TRHDE: variants seen among roughly 807,000 people sequenced by gnomAD.
TRHDE encodes the protein thyrotropin releasing hormone degrading enzyme, also known as thyrotropin-releasing hormone-degrading ectoenzyme.
TRHDE carries 72 observed loss-of-function variants against 125.7 expected under a neutral mutation model. That is an observed-to-expected ratio of 0.57 (90% CI 0.47 to 0.70). TRHDE has a LOEUF of 0.70. Among genes scored for constraint, TRHDE ranks in the 30% least tolerant of loss-of-function variants. The pLI is 0.00. For synonymous variants in TRHDE, 509 were observed against 509.1 expected (o/e 1.00, Z 0.00); for missense variants, 1,110 against 1,327.1 (o/e 0.84, Z 2.54).
intron 6 of TRHDE, among the ~76,000 whole-genome samples, chr12:72,530,708 C>T (rs577091271): frequency 1.3e-5 from 2 of 151,852 alleles, no homozygotes; most frequent in South Asian, 2.1e-4. Context: ...CTTGCTTCTT[C>T]ATTTGATTCC....
intron 2 of TRHDE, among the ~76,000 whole-genome samples, chr12:72,321,881 A>G (rs1291714479): frequency 6.6e-6 from 1 of 151,970 alleles, no homozygotes; most frequent in Non-Finnish European, 1.5e-5. Flanking sequence ...ATACATACAC[A>G]CACACACACA....
intron 2 of TRHDE, among the ~76,000 whole-genome samples, chr12:72,121,288 G>A (rs948578706): frequency 6.6e-6 from 1 of 152,126 alleles, no homozygotes; most frequent in Non-Finnish European, 1.5e-5. Flanking sequence ...ACCAAGACTT[G>A]TACAGGAATT....
At chr12:72,332,414 T>C (rs1283266729) in intron 2 of TRHDE, among the ~76,000 whole-genome samples, 1 of 152,134 alleles carries the variant, frequency 6.6e-6, no homozygotes, top group South Asian at 2.1e-4. Flanking sequence ...GCTGGGATTA[T>C]AGGCATGAGC....
intron 5 of TRHDE, among the ~76,000 whole-genome samples, chr12:72,477,936 T>C (rs185759627): frequency 2.6e-5 from 4 of 152,260 alleles, no homozygotes; most frequent in Admixed American, 1.3e-4. Flanking sequence ...TCATTAAACA[T>C]GAGTGTATGT....
intron 15 of TRHDE, among the ~76,000 whole-genome samples, chr12:72,622,788 G>T (rs887458892): frequency 6.6e-6 from 1 of 151,940 alleles, no homozygotes; most frequent in Non-Finnish European, 1.5e-5. Flanking sequence ...CTGTTCGAAA[G>T]GTCTCTGTAG....
chr12:72,636,489 C>T (rs1429164764), intron 15 of TRHDE, among the ~76,000 whole-genome samples: 9 of 150,834 alleles, frequency 6.0e-5, no homozygotes, highest in Admixed American at 1.3e-4. Context: ...ATTGAATACC[C>T]TTTATTTCCT....
At chr12:72,530,668 TG>T (rs775379233) in intron 6 of TRHDE, among the ~76,000 whole-genome samples, 5 of 151,800 alleles carry the variant, frequency 3.3e-5, no homozygotes, top group Non-Finnish European at 7.4e-5. Context: ...TCTCTCTGCC[TG>T]GAATGTTCTT....
At chr12:72,396,999 T>C (rs1872819822) in intron 3 of TRHDE, among the ~76,000 whole-genome samples, 2 of 152,234 alleles carry the variant, frequency 1.3e-5, no homozygotes, top group African/African-American at 4.8e-5. Flanking sequence ...GATGCATTTA[T>C]ATCTTCACGT....
chr12:72,097,220 T>A (rs1281009893), intron 1 of TRHDE, among the ~76,000 whole-genome samples: 5 of 152,074 alleles, frequency 3.3e-5, no homozygotes, highest in Admixed American at 3.3e-4. Context: ...GGCAGGTGGG[T>A]AAGAGGCAGT....
Position 72,148,743 on chromosome 12 carries a change from G to A in TRHDE, n.279+42991G>A, listed in dbSNP as rs143106347. Among the ~76,000 whole-genome samples, 17 of 152,242 alleles carry A rather than the reference G, an allele frequency of 1.1e-4. No individual in the cohort carries two copies. The East Asian group carries it at 1.5e-3, about 14-fold the overall frequency. ...TCTCAGTTCTTGGTCTTCCAAGCAC[G>A]TTTCAATCTCCTATGAATTCATCCT... On this transcript the variant is annotated intron_variant and non_coding_transcript_variant, in intron 2 of 4. Transcript: ENST00000548156.
intron 2 of TRHDE, among the ~76,000 whole-genome samples, chr12:72,178,304 A>T (rs577310888): frequency 1.5e-3 from 229 of 152,222 alleles, no homozygotes; most frequent in Non-Finnish European, 2.6e-3. Context: ...ATAAATTGCA[A>T]TATTTATGAA....
At chr12:72,150,016 C>T (rs528060076) in intron 2 of TRHDE, among the ~76,000 whole-genome samples, 1 of 152,148 alleles carries the variant, frequency 6.6e-6, no homozygotes, top group East Asian at 1.9e-4. Context: ...CTAATTAATG[C>T]AATAAATTTT....
At chr12:72,599,868 GTT>G (rs963814402) in intron 12 of TRHDE, among the ~76,000 whole-genome samples, 17 of 151,978 alleles carry the variant, frequency 1.1e-4, no homozygotes, top group African/African-American at 4.1e-4. Context: ...GGTTCTTAGA[GTT>G]TGAGTTCTTA....
intron 5 of TRHDE, among the ~76,000 whole-genome samples, chr12:72,483,518 G>A (rs924543368): frequency 4.0e-5 from 6 of 151,778 alleles, no homozygotes; most frequent in Non-Finnish European, 7.4e-5. Context: ...ATTACCTGCA[G>A]GGTAATCATA....
intron 2 of TRHDE, among the ~76,000 whole-genome samples, chr12:72,302,193 C>T (rs370346463): frequency 9.2e-5 from 14 of 151,696 alleles, no homozygotes; most frequent in Middle Eastern, 3.4e-3. Flanking sequence ...GAAGAGATAA[C>T]GATTAAATCA....
intron 6 of TRHDE, among the ~76,000 whole-genome samples, chr12:72,531,936 T>C (rs2135975712): frequency 6.6e-6 from 1 of 152,256 alleles, no homozygotes; most frequent in South Asian, 2.1e-4. Flanking sequence ...TTGCTGTTGT[T>C]TACTCTTTGC....
At chr12:72,150,619 A>G (rs1353547366) in intron 2 of TRHDE, among the ~76,000 whole-genome samples, 2 of 140,114 alleles carry the variant, frequency 1.4e-5, no homozygotes, top group Non-Finnish European at 3.0e-5. Flanking sequence ...TCATTGTTCA[A>G]TTCCCACCTA....
intron 4 of TRHDE, among the ~76,000 whole-genome samples, chr12:72,471,420 G>A (rs760893827): frequency 1.1e-4 from 16 of 152,136 alleles, no homozygotes; most frequent in Non-Finnish European, 1.6e-4. Flanking sequence ...ATATAGTTCT[G>A]TGGAAGTGAA....
At chr12:72,178,254 C>A (rs1368831612) in intron 2 of TRHDE, among the ~76,000 whole-genome samples, 1 of 151,974 alleles carries the variant, frequency 6.6e-6, no homozygotes, top group Non-Finnish European at 1.5e-5. Context: ...TTAGGATAAT[C>A]AGGTCCAGAT....
Sources: allele counts gnomAD v4.1 joint callset (sites outside exome capture counted in the v4.1 genomes callset), GRCh38; gene constraint gnomAD v4.1.1; transcripts MANE v1.5; gene names NCBI Gene and HGNC (gene_info 2026-07-23, HGNC 2026-07-21).